The following KIRREL3 variants were observed in gnomAD, a reference collection of about 807,000 sequenced individuals.
The protein encoded by KIRREL3 is kin of IRRE-like protein 3.
Under a neutral mutation model 89.7 loss-of-function variants are expected in KIRREL3, and 36 were observed. That is an observed-to-expected ratio of 0.40 (90% CI 0.31 to 0.53). The LOEUF (loss-of-function observed/expected upper bound fraction) is 0.53, where lower values mean the gene tolerates loss of function less well. KIRREL3 is among the 20% of genes least tolerant of loss of function. The probability of loss-of-function intolerance (pLI) is 0.49; values close to 1 mark genes in which losing one functional copy is unlikely to be tolerated. For synonymous variants in KIRREL3, 445 were observed against 441.4 expected (o/e 1.01, Z -0.10); for missense variants, 864 against 1,056.6 (o/e 0.82, Z 2.53).
intron 6 of KIRREL3, among the ~76,000 whole-genome samples, chr11:126,461,314 G>T (rs1180366688): frequency 6.6e-6 from 1 of 152,272 alleles, no homozygotes; most frequent in Non-Finnish European, 1.5e-5. Flanking sequence ...CCAGGCCAGG[G>T]CCAGGGCCAG....
chr11:126,990,077 G>A lies in KIRREL3; in HGVS notation c.55+10378C>T, dbSNP rs547069950. On this transcript the variant is annotated intron_variant, in intron 1 of 16. Coordinates refer to ENST00000525144, the MANE Select transcript of KIRREL3 (RefSeq NM_032531.4). This position sits in a 1 kb window ranked among gnomAD's most constrained non-coding sequence, Gnocchi z 6.3. ...TTGTGGAAGGGAAAACGCCTGGAGC[G>A]GGGCAGGGGGCACAGGCCTGGAGGC... is the stretch of plus-strand genomic sequence containing the variant. Among the ~76,000 whole-genome samples, 10 of 152,294 alleles carry A rather than the reference G, an allele frequency of 6.6e-5. No individual in the cohort carries two copies. The East Asian group carries it at 1.5e-3, about 24-fold the overall frequency.
At position 126,697,459 on chromosome 11, in the gene KIRREL3, A is replaced by G. The variant is rs1947145309; in HGVS notation, c.56-134547T>C. On this transcript the variant is annotated intron_variant, in intron 1 of 16. Coordinates refer to ENST00000525144, the MANE Select transcript of KIRREL3 (RefSeq NM_032531.4). The surrounding 1 kb of genome is among the most constrained non-coding windows in gnomAD (Gnocchi z 4.2). The stretch of plus-strand genomic sequence containing the variant: ...TCCCACAGACCCTGACTCAGAGGAG[A>G]TATTCAATGAATGCTGGTTCTACTC... Among the ~76,000 whole-genome samples, 1 of 152,184 alleles carries G rather than the reference A, an allele frequency of 6.6e-6. No homozygotes were observed. The highest frequency in any genetic ancestry group is 1.5e-5 in the Non-Finnish European group (1 of 68,040).
intron 1 of KIRREL3, among the ~76,000 whole-genome samples, chr11:126,861,137 G>A (rs890391776): frequency 6.6e-6 from 1 of 152,176 alleles, no homozygotes; most frequent in Non-Finnish European, 1.5e-5. Flanking sequence ...CTTGATTGCT[G>A]CATTGCCCTG....
rs1244040030 is a variant in KIRREL3, at chr11:126,608,395, C to T, written c.56-45483G>A. On this transcript the variant is annotated intron_variant, in intron 1 of 16. Transcript: ENST00000525144. This position sits in a 1 kb window ranked among gnomAD's most constrained non-coding sequence, Gnocchi z 4.9. ...CCCCAGGCTATCGAGCTGAATTAAG[C>T]TGCCTAAGATCACCTCATTAAATTC... Among the ~76,000 whole-genome samples the T allele has an allele frequency of 3.3e-5, 5 of 152,168 alleles. No individual in the cohort carries two copies. Among genetic ancestry groups the T allele is most frequent in the African/African-American group, 1.2e-4 (5 of 41,428 alleles).
chr11:126,528,201 G>C lies in KIRREL3; in HGVS notation c.134-1514C>G, dbSNP rs913047094. 2.6e-5 allele frequency among the ~76,000 whole-genome samples: 4 copies of C among 152,178 alleles called. No homozygotes were observed. Among genetic ancestry groups the C allele is most frequent in the Non-Finnish European group, 5.9e-5 (4 of 68,034 alleles). On this transcript the variant is annotated intron_variant, in intron 2 of 16. Transcript: ENST00000525144. This position sits in a 1 kb window ranked among gnomAD's most constrained non-coding sequence, Gnocchi z 4.6. The stretch of plus-strand genomic sequence containing the variant: ...TAACCGAGGCAAAACTGGACCTGGC[G>C]CTCCAGCTGCTGATGCTGTGGCCTC...
Position 126,923,166 on chromosome 11 carries a change from TCTTCTTCTTCTCTTCTTCTTCTC to T in KIRREL3, c.55+77266_55+77288del, listed in dbSNP as rs1592368588. ...TTCTTCTTCTTCTTCTTCTTCTTCT[TCTTCTTCTTCTCTTCTTCTTCTC>T]TTCTTCTTCTTCTTCTTCTTCTTCT... On this transcript the variant is annotated intron_variant, in intron 1 of 16. Transcript: ENST00000525144. Among the ~76,000 whole-genome samples the T allele has an allele frequency of 1.4e-4, 4 of 28,296 alleles. 2 individuals are homozygous for T. Among genetic ancestry groups the T allele is most frequent in the African/African-American group, 8.6e-4 (4 of 4,634 alleles). 18.6% of individuals were successfully genotyped at this position (28,296 alleles called of 152,430 possible). A position where few individuals can be genotyped will look rare whatever the true frequency, so the allele number is the denominator to read the frequency against.
chr11:126,641,490 G>A lies in KIRREL3; in HGVS notation c.56-78578C>T, dbSNP rs186581318. On this transcript the variant is annotated intron_variant, in intron 1 of 16. Coordinates refer to ENST00000525144, the MANE Select transcript of KIRREL3 (RefSeq NM_032531.4). The surrounding 1 kb of genome is among the most constrained non-coding windows in gnomAD (Gnocchi z 5.0). ...AGGTAAAAGGATACCTTTGACATTA[G>A]CAACAACAGGAAGGGAGAAAATTGC... Among the ~76,000 whole-genome samples, 444 of 152,224 alleles carry A rather than the reference G, an allele frequency of 2.9e-3. 2 individuals are homozygous for A. The highest frequency in any genetic ancestry group is 5.2e-3 in the Non-Finnish European group (357 of 68,018).
chr11:126,828,656 C>G (rs192845813), intron 1 of KIRREL3, among the ~76,000 whole-genome samples: 20 of 152,258 alleles, frequency 1.3e-4, no homozygotes, highest in Admixed American at 5.2e-4. Context: ...CATCCCTGTC[C>G]TAGTCTTGCA....
At position 126,754,387 on chromosome 11, in the gene KIRREL3, A is replaced by G; in HGVS notation, c.56-191475T>C. Among the ~76,000 whole-genome samples the G allele has an allele frequency of 6.6e-6, 1 of 152,164 alleles. No homozygotes were observed. Among genetic ancestry groups the G allele is most frequent in the East Asian group, 1.9e-4 (1 of 5,194 alleles). ...GTACCTCTCTAACTTTACACTCTCT[A>G]TATGTCTGTCTCTGGTCTTCAATTC... is the stretch of plus-strand genomic sequence containing the variant. On this transcript the variant is annotated intron_variant, in intron 1 of 16. Transcript: ENST00000525144. This position sits in a 1 kb window ranked among gnomAD's most constrained non-coding sequence, Gnocchi z 5.1.
chr11:126,968,503 T>C (rs538569450), intron 1 of KIRREL3, among the ~76,000 whole-genome samples: 2 of 152,344 alleles, frequency 1.3e-5, no homozygotes, highest in South Asian at 2.1e-4. Context: ...GGGATGAAGC[T>C]GTCTGGGTCA....
chr11:126,559,186 A>T (rs1939928911), intron 2 of KIRREL3, among the ~76,000 whole-genome samples: 1 of 152,184 alleles, frequency 6.6e-6, no homozygotes, highest in African/African-American at 2.4e-5. Flanking sequence ...GTGAGCACCA[A>T]GGTAGACTCT....
At chr11:126,649,023 T>C (rs1944803451) in intron 1 of KIRREL3, among the ~76,000 whole-genome samples, 1 of 151,706 alleles carries the variant, frequency 6.6e-6, no homozygotes, top group African/African-American at 2.4e-5. Flanking sequence ...TGGAGGGAGG[T>C]GAAAGGCACT....
At position 126,519,038 on chromosome 11, in the gene KIRREL3, C is replaced by T. The variant is rs1958507833; in HGVS notation, c.433+2277G>A. Among the ~76,000 whole-genome samples the T allele has an allele frequency of 6.6e-6, 1 of 152,248 alleles. No homozygotes were observed. Among genetic ancestry groups the T allele is most frequent in the Admixed American group, 6.5e-5 (1 of 15,290 alleles). On this transcript the variant is annotated intron_variant, in intron 4 of 16. Transcript: ENST00000525144. The surrounding 1 kb of genome is among the most constrained non-coding windows in gnomAD (Gnocchi z 4.3). The stretch of plus-strand genomic sequence containing the variant: ...CTCCCTTTCTGGCTCTCAGGAATTT[C>T]ACGGAGGGGACCCTGCTGGGGATCA...
chr11:126,517,805 A>C (rs1238716769), intron 4 of KIRREL3, among the ~76,000 whole-genome samples: 1 of 152,236 alleles, frequency 6.6e-6, no homozygotes, highest in Non-Finnish European at 1.5e-5. Flanking sequence ...CTCATTTTAC[A>C]GATGAGGAAA....
intron 1 of KIRREL3, among the ~76,000 whole-genome samples, chr11:126,863,982 T>C (rs1207221131): frequency 6.6e-6 from 1 of 152,192 alleles, no homozygotes; most frequent in Non-Finnish European, 1.5e-5. Context: ...GTTAACCCAG[T>C]GCTGGCCAGG....
In KIRREL3 at chr11:126,533,941, T is replaced by G. The variant is rs543144503; in HGVS notation, c.134-7254A>C. 3.9e-4 allele frequency among the ~76,000 whole-genome samples: 60 copies of G among 152,242 alleles called. 1 individual carries two copies. In the South Asian group the frequency reaches 0.012, roughly 31 times the overall value. ...CTGAACACCAGGCCGCAGGCTGAGC[T>G]CCATAGGGCTGGGCGACGGGAAGCG... On this transcript the variant is annotated intron_variant, in intron 2 of 16. Transcript: ENST00000525144.
chr11:126,805,798 C>T lies in KIRREL3; in HGVS notation c.55+194657G>A, dbSNP rs554057280. Among the ~76,000 whole-genome samples the T allele has an allele frequency of 6.6e-6, 1 of 152,286 alleles. No individual in the cohort carries two copies. The highest frequency in any genetic ancestry group is 6.5e-5 in the Admixed American group (1 of 15,300). On this transcript the variant is annotated intron_variant, in intron 1 of 16. Transcript: ENST00000525144. The surrounding 1 kb of genome is among the most constrained non-coding windows in gnomAD (Gnocchi z 4.3). Reference sequence around the variant, plus strand: ...GGAGGGAATTCTTGATAGTCTCTGTCTTTCACGGTTTTCCTGCTCAGCTTA... The same window carrying T: ...GGAGGGAATTCTTGATAGTCTCTGTTTTTCACGGTTTTCCTGCTCAGCTTA...
intron 1 of KIRREL3, among the ~76,000 whole-genome samples, chr11:126,915,841 C>T (rs1947016852): frequency 6.6e-6 from 1 of 152,154 alleles, no homozygotes; most frequent in Admixed American, 6.5e-5. Flanking sequence ...ATTCTCTTAA[C>T]AGATCTGAAC....
At position 126,906,763 on chromosome 11, in the gene KIRREL3, T is replaced by C. The variant is rs1308888094; in HGVS notation, c.55+93692A>G. On this transcript the variant is annotated intron_variant, in intron 1 of 16. Coordinates refer to ENST00000525144, the MANE Select transcript of KIRREL3 (RefSeq NM_032531.4). This position sits in a 1 kb window ranked among gnomAD's most constrained non-coding sequence, Gnocchi z 4.1. ...ACTCGGATCCCCAGCACCTCCTCTG[T>C]AGCCCACAGTGCAAGGCTGCCTGTG... 6.6e-6 allele frequency among the ~76,000 whole-genome samples: 1 copy of C among 152,226 alleles called. No individual in the cohort carries two copies. Among genetic ancestry groups the C allele is most frequent in the East Asian group, 1.9e-4 (1 of 5,196 alleles).
Sources: gnomAD v4.1 joint callset for allele counts (sites outside exome capture counted in the v4.1 genomes callset) on GRCh38, gnomAD v4.1.1 for gene constraint, Gnocchi (gnomAD v3.1) non-coding constraint, MANE v1.5 for transcripts, NCBI Gene and HGNC (gene_info 2026-07-23, HGNC 2026-07-21) for gene names.